The following ADAM12 variants were observed in gnomAD, a reference collection of about 807,000 sequenced individuals.
The protein encoded by ADAM12 is disintegrin and metalloproteinase domain-containing protein 12.
Under a neutral mutation model 106.4 loss-of-function variants are expected in ADAM12, and 70 were observed. The observed-to-expected ratio is 0.66, with a 90% confidence interval of 0.54 to 0.80. The LOEUF (loss-of-function observed/expected upper bound fraction) is 0.80, where lower values mean the gene tolerates loss of function less well. Ranked by LOEUF, ADAM12 falls within the 30% of genes least tolerant of loss-of-function variation. The pLI is 0.00. For synonymous variants in ADAM12, 420 were observed against 433.5 expected, an observed-to-expected ratio of 0.97 and a Z score of 0.39; for missense variants, 1,010 against 1,171.9, an observed-to-expected ratio of 0.86 and a Z score of 2.02.
At chr10:126,332,324 G>A (rs1458181877) in intron 1 of ADAM12, among the ~76,000 whole-genome samples, 22 of 152,206 alleles carry the variant, frequency 1.4e-4, no homozygotes. Context: ...CTTCATCCCA[G>A]AAGGCTTGCC....
intron 3 of ADAM12, among the ~76,000 whole-genome samples, chr10:126,249,425 C>A (rs1159754365): frequency 6.6e-6 from 1 of 152,186 alleles, no homozygotes; most frequent in Admixed American, 6.5e-5. Flanking sequence ...CCAGGCGGGG[C>A]GCCATGGCTC....
At chr10:126,153,361 C>A (rs1674910) in intron 4 of ADAM12, among the ~76,000 whole-genome samples, 98,491 of 151,352 alleles carry the variant, frequency 0.65, 32,287 homozygotes, top group East Asian at 0.92. Flanking sequence ...TTTTCATCAG[C>A]AGCTGTCCTG....
intron 1 of ADAM12, among the ~76,000 whole-genome samples, chr10:126,345,428 G>A (rs1855101748): frequency 6.6e-6 from 1 of 152,208 alleles, no homozygotes; most frequent in Admixed American, 6.5e-5. Flanking sequence ...CGGTTTGCCA[G>A]TATTTTATTG....
At chr10:126,161,568 G>A (rs1956935336) in intron 3 of ADAM12, among the ~76,000 whole-genome samples, 1 of 152,238 alleles carries the variant, frequency 6.6e-6, no homozygotes, top group African/African-American at 2.4e-5. Flanking sequence ...AATTTGAGGA[G>A]CATGCGGCAG....
At chr10:126,050,343 A>C (rs1306084448) in intron 14 of ADAM12, among the ~76,000 whole-genome samples, 1 of 152,196 alleles carries the variant, frequency 6.6e-6, no homozygotes, top group Non-Finnish European at 1.5e-5. Flanking sequence ...CACATCTTCC[A>C]GCCACGGAGA....
At chr10:126,065,723 T>C (rs1035959789) in intron 13 of ADAM12, among the ~76,000 whole-genome samples, 3 of 152,154 alleles carry the variant, frequency 2.0e-5, no homozygotes, top group Admixed American at 2.0e-4. Context: ...TTCTAGAAGA[T>C]CTGGAAGTCG....
chr10:126,088,724 C>CAAAGAAA (rs1955405736), intron 11 of ADAM12, among the ~76,000 whole-genome samples: 1 of 148,750 alleles, frequency 6.7e-6, no homozygotes, highest in Admixed American at 6.7e-5. Flanking sequence ...AAAACAAAAA[C>CAAAGAAA]AAAAAGAGAG....
chr10:126,142,909 G>A (rs994223433), intron 4 of ADAM12, among the ~76,000 whole-genome samples: 2 of 152,100 alleles, frequency 1.3e-5, no homozygotes, highest in Admixed American at 6.6e-5. Context: ...GTGTGCATGT[G>A]CATGGGTATG....
At chr10:126,115,065 C>T (rs1041368588) in intron 6 of ADAM12, among the ~76,000 whole-genome samples, 6 of 152,156 alleles carry the variant, frequency 3.9e-5, no homozygotes, top group African/African-American at 1.4e-4. Flanking sequence ...AGAATGGCCA[C>T]CTTCGAGGAA....
chr10:126,226,161 C>T (rs1197978240), intron 3 of ADAM12, among the ~76,000 whole-genome samples: 3 of 119,810 alleles, frequency 2.5e-5, no homozygotes, highest in Non-Finnish European at 4.8e-5. Context: ...ACCGGGTGCT[C>T]TGCATAATCC....
At chr10:126,270,828 C>T (rs1278079623) in intron 3 of ADAM12, among the ~76,000 whole-genome samples, 2 of 152,188 alleles carry the variant, frequency 1.3e-5, no homozygotes, top group African/African-American at 4.8e-5. Flanking sequence ...GGAATAGGGC[C>T]TGGGAGCGAT....
At chr10:126,045,443 G>A (rs1531331) in intron 17 of ADAM12, among the ~76,000 whole-genome samples, 1 of 151,766 alleles carries the variant, frequency 6.6e-6, no homozygotes, top group Non-Finnish European at 1.5e-5. Context: ...ATTTGGAGCA[G>A]GATTTCTGTA....
rs183653047 is a variant in ADAM12 at position 126,152,171 on chromosome 10, A to G, written c.339+3056T>C. Among the ~76,000 whole-genome samples the G allele has an allele frequency of 5.8e-3, 879 of 152,128 alleles. 9 individuals are homozygous for G. Among genetic ancestry groups the G allele is most frequent in the African/African-American group, 0.02 (847 of 41,544 alleles). ...AAGCTTATCAATTTTACATCTAGAG[A>G]CTTTTCTTTTGAGGAAAAATTGTAA... On this transcript the variant is annotated intron_variant, in intron 4 of 22. Coordinates refer to ENST00000448723, the MANE Select transcript of ADAM12 (RefSeq NM_001288973.2).
chr10:126,387,133 C>T (rs996455608), intron 1 of ADAM12, among the ~76,000 whole-genome samples: 2 of 152,094 alleles, frequency 1.3e-5, no homozygotes, highest in African/African-American at 4.8e-5. Flanking sequence ...TGAGAGCTTG[C>T]GGCCAAGGGA....
At chr10:126,366,619 G>C (rs990362105) in intron 1 of ADAM12, among the ~76,000 whole-genome samples, 6 of 151,948 alleles carry the variant, frequency 3.9e-5, no homozygotes, top group African/African-American at 1.2e-4. Context: ...TCAATTAAAA[G>C]GTAGTGACCC....
At chr10:126,125,249 C>CTTTTT (rs35917087) in intron 5 of ADAM12, among the ~76,000 whole-genome samples, 1 of 134,246 alleles carries the variant, frequency 7.4e-6, no homozygotes, top group Non-Finnish European at 1.6e-5. Context: ...CTTTTCTTTT[C>CTTTTT]TTTTTTTTTT....
At chr10:126,209,923 TG>T (rs1472999871) in intron 3 of ADAM12, among the ~76,000 whole-genome samples, 1 of 152,192 alleles carries the variant, frequency 6.6e-6, no homozygotes, top group Non-Finnish European at 1.5e-5. Flanking sequence ...ACAACTTCAC[TG>T]GGAACAGGCG....
At chr10:126,136,238 C>T (rs763973843) in intron 4 of ADAM12, among the ~76,000 whole-genome samples, 8 of 152,164 alleles carry the variant, frequency 5.3e-5, no homozygotes, top group Admixed American at 4.6e-4. Context: ...GTGTGTCATG[C>T]CTGCAATATT....
intron 3 of ADAM12, among the ~76,000 whole-genome samples, chr10:126,268,692 T>C (rs1466908825): frequency 3.9e-5 from 6 of 152,192 alleles, no homozygotes; most frequent in African/African-American, 7.2e-5. Flanking sequence ...TTATGAAACA[T>C]GGCCAATCAC....
Sources: gnomAD v4.1 joint callset for allele counts (sites outside exome capture counted in the v4.1 genomes callset) on GRCh38, gnomAD v4.1.1 for gene constraint, MANE v1.5 for transcripts, NCBI Gene and HGNC (gene_info 2026-07-23, HGNC 2026-07-21) for gene names.